The following BDH1 variants were observed in gnomAD, a reference collection of about 807,000 sequenced individuals.
BDH1 encodes the protein 3-hydroxybutyrate dehydrogenase 1.
A neutral mutation model predicts 33.1 loss-of-function variants in BDH1; 30 were observed. The observed-to-expected ratio is 0.91, with a 90% confidence interval of 0.68 to 1.23. The LOEUF (loss-of-function observed/expected upper bound fraction) is 1.23, where lower values mean the gene tolerates loss of function less well. Ranked by LOEUF, BDH1 falls within the 50% of genes most tolerant of loss-of-function variation. The pLI is 0.00. For missense variants in BDH1, 443 were observed against 464.4 expected (o/e 0.95, Z 0.42); for synonymous variants, 190 against 183.6 (o/e 1.03, Z -0.28).
chr3:197,535,468 C>G (rs1715069643), intron 3 of BDH1, among the ~76,000 whole-genome samples: 1 of 152,310 alleles, frequency 6.6e-6, no homozygotes, highest in South Asian at 2.1e-4. Flanking sequence ...CTGCCACCAA[C>G]CAACAACGTT....
At chr3:197,512,416 G>C (rs1230366896) in intron 7 of BDH1, 52 bp from the exon 8 acceptor site, 2 of 1,524,198 alleles carry the variant, frequency 1.3e-6, no homozygotes, top group African/African-American at 2.7e-5. Flanking sequence ...CTATGACACA[G>C]CGGGCAGAAG....
upstream of BDH1, among the ~76,000 whole-genome samples, chr3:197,556,466 G>A (rs542089864): frequency 4.0e-4 from 61 of 152,308 alleles, 1 homozygote; most frequent in Non-Finnish European, 4.6e-4. Flanking sequence ...TCAGGAGTTC[G>A]AGACCAGCCT....
At position 197,565,743 on chromosome 3, in the gene BDH1, C is replaced by T. The variant is rs570161029; in HGVS notation, c.-44+7438G>A. 9.2e-5 allele frequency among the ~76,000 whole-genome samples: 14 copies of T among 152,236 alleles called. No individual in the cohort carries two copies. In the South Asian group the frequency reaches 2.9e-3, roughly 32 times the overall value. ...TGGCTGCCTTAAAACCTTTTGTCAT[C>T]CACAAACAATTGTCTTGTTTTGGTC... On this transcript the variant is annotated intron_variant, in intron 1 of 6. Transcript: ENST00000358186.
intron 6 of BDH1, among the ~76,000 whole-genome samples, chr3:197,517,726 T>C (rs71617370): frequency 1.2e-4 from 1 of 8,484 alleles, no homozygotes; most frequent in Non-Finnish European, 2.1e-4. Context: ...GCCAACCCCC[T>C]CATCAGTCAT....
rs1712502358 is a variant in BDH1, at chr3:197,514,702, C to T, written c.410-286G>A. 1.3e-5 allele frequency among the ~76,000 whole-genome samples: 2 copies of T among 152,150 alleles called. No individual in the cohort carries two copies. Among genetic ancestry groups the T allele is most frequent in the Non-Finnish European group, 2.9e-5 (2 of 68,030 alleles). ...TGACCCAGCCTGCCGTGTCCCCCGG[C>T]CTTCAGTCTCACCTCACCTCAAATT... On this transcript the variant is annotated intron_variant, in intron 6 of 7. Coordinates refer to ENST00000392379, the MANE Select transcript of BDH1 (RefSeq NM_203314.3). This position sits in a 1 kb window ranked among gnomAD's most constrained non-coding sequence, Gnocchi z 4.2.
At chr3:197,553,477 C>T (rs181641713) in intron 2 of BDH1, among the ~76,000 whole-genome samples, 2,044 of 146,918 alleles carry the variant, frequency 0.014, 30 homozygotes, top group Middle Eastern at 0.039. Context: ...TGCAGTGAGC[C>T]GAGATCACGC....
chr3:197,570,272 G>T (rs955450164), intron 1 of BDH1, among the ~76,000 whole-genome samples: 7 of 152,084 alleles, frequency 4.6e-5, no homozygotes, highest in African/African-American at 1.7e-4. Flanking sequence ...GTTTTAAAAG[G>T]GAAACAGAAC....
chr3:197,529,554 T>C (rs993752686), intron 5 of BDH1: 2 of 152,238 alleles, frequency 1.3e-5, no homozygotes, highest in Non-Finnish European at 2.9e-5. Flanking sequence ...AAATAATGTA[T>C]ACACCTGCAT....
intron 7 of BDH1, among the ~76,000 whole-genome samples, chr3:197,513,394 CA>C: frequency 7.1e-6 from 1 of 141,606 alleles, no homozygotes; most frequent in Non-Finnish European, 1.5e-5. Context: ...CCCGGGAGGG[CA>C]CTCAGCCCAT....
intron 3 of BDH1, 71 bp downstream of exon 3, chr3:197,546,290 G>T: frequency 6.9e-7 from 1 of 1,457,224 alleles, no homozygotes; most frequent in Non-Finnish European, 9.6e-7. Flanking sequence ...CGCCTACACT[G>T]TCCATGTGTG....
intron 2 of BDH1, among the ~76,000 whole-genome samples, chr3:197,553,344 C>T (rs1716726178): frequency 6.6e-6 from 1 of 150,456 alleles, no homozygotes; most frequent in African/African-American, 2.4e-5. Flanking sequence ...TCCTGGCCAA[C>T]ATGGTGAAAC....
chr3:197,512,809 C>G (rs766284282), intron 7 of BDH1, among the ~76,000 whole-genome samples: 5 of 152,110 alleles, frequency 3.3e-5, no homozygotes, highest in Admixed American at 6.5e-5. Flanking sequence ...AGCTTAAAGT[C>G]CAGCTCCAGT....
Position 197,514,331 on chromosome 3 carries a change from T to C in BDH1, c.495A>G (p.Ala165=). 1 of 1,613,980 alleles carries C rather than the reference T, an allele frequency of 6.2e-7. No individual in the cohort carries two copies. The highest frequency in any genetic ancestry group is 8.5e-7 in the Non-Finnish European group (1 of 1,179,932). ...GCACTGTGCCCCAAAGGTTCACTTCTGCCACCTGCTTGTAGGTCTCCAGGC... is the reference window on the plus strand; with the variant it reads ...GCACTGTGCCCCAAAGGTTCACTTCCGCCACCTGCTTGTAGGTCTCCAGGC... ...FTSLETYKQV[A]EVNLWGTVRM... The change falls in exon 7 of 8, where the codon GCA becomes GCG. Residue 165 remains alanine (A), a synonymous_variant. Coordinates refer to ENST00000392379, the MANE Select transcript of BDH1 (RefSeq NM_203314.3). The surrounding 1 kb of genome is among the most constrained non-coding windows in gnomAD (Gnocchi z 4.2).
At chr3:197,533,678 G>T (rs1399998328) in intron 3 of BDH1, 117 bp from the exon 4 acceptor site, 3 of 922,854 alleles carry the variant, frequency 3.3e-6, no homozygotes, top group African/African-American at 3.3e-5. Context: ...CAGCTTGCTG[G>T]TACAACTGAG....
At chr3:197,568,557 AGT>A (rs1316956928) in intron 1 of BDH1, among the ~76,000 whole-genome samples, 1 of 152,122 alleles carries the variant, frequency 6.6e-6, no homozygotes, top group Non-Finnish European at 1.5e-5. Flanking sequence ...AAGTAAAACA[AGT>A]GCTTGACCTC....
In BDH1 at chr3:197,554,129, C is replaced by T. The variant is rs1716794776; in HGVS notation, c.-44+433G>A. ...ATTTTCGAGCCTTGCTCATCCTATA[C>T]CAAACTGACTGCATCTGACCAAGTC... is the stretch of plus-strand genomic sequence containing the variant. On this transcript the variant is annotated intron_variant, in intron 2 of 7. Transcript: ENST00000392379. The surrounding 1 kb of genome is among the most constrained non-coding windows in gnomAD (Gnocchi z 4.4). 6.6e-6 allele frequency among the ~76,000 whole-genome samples: 1 copy of T among 152,216 alleles called. No homozygotes were observed. The highest frequency in any genetic ancestry group is 1.5e-5 in the Non-Finnish European group (1 of 68,036).
At chr3:197,539,052 C>T (rs984064445) in intron 3 of BDH1, 1 of 152,248 alleles carries the variant, frequency 6.6e-6, no homozygotes, top group Admixed American at 6.5e-5. Flanking sequence ...CTTCTAACCT[C>T]CAAGCCGTCC....
chr3:197,542,957 G>T (rs1050697813), intron 3 of BDH1: 59 of 979,896 alleles, frequency 6.0e-5, no homozygotes, highest in South Asian at 1.4e-4. Context: ...CCTCCCCAAG[G>T]CCCTGTGGAA....
At chr3:197,561,197 C>G (rs1340062517) in intron 1 of BDH1, among the ~76,000 whole-genome samples, 1 of 152,136 alleles carries the variant, frequency 6.6e-6, no homozygotes, top group African/African-American at 2.4e-5. Context: ...GACAGATCTA[C>G]TGGTCCTTGG....
Sources: gnomAD v4.1 joint callset for allele counts (sites outside exome capture counted in the v4.1 genomes callset) on GRCh38, gnomAD v4.1.1 for gene constraint, Gnocchi (gnomAD v3.1) non-coding constraint, MANE v1.5 for transcripts, NCBI Gene and HGNC (gene_info 2026-07-23, HGNC 2026-07-21) for gene names.